The following HRH1 variants were observed in gnomAD, a reference collection of about 807,000 sequenced individuals.
HRH1 encodes histamine receptor H1, also known as histamine H1 receptor.
HRH1 carries 6 observed loss-of-function variants against 10.3 expected under a neutral mutation model. That is an observed-to-expected ratio of 0.58 (90% CI 0.32 to 1.15). The LOEUF is 1.15. HRH1 is among the 50% of genes most tolerant of loss of function. The pLI, the probability that HRH1 is intolerant of heterozygous loss-of-function variation, is 0.05. For synonymous variants in HRH1, 242 were observed against 236.7 expected (o/e 1.02, Z -0.21); for missense variants, 514 against 615.3 (o/e 0.84, Z 1.74).
intron 1 of HRH1, among the ~76,000 whole-genome samples, chr3:11,140,289 C>T (rs1464055100): frequency 6.6e-6 from 1 of 152,128 alleles, no homozygotes; most frequent in African/African-American, 2.4e-5. Flanking sequence ...CCAAGGAGAA[C>T]TAAATCACAG....
chr3:11,149,591 G>T (rs1936553735), upstream of HRH1, among the ~76,000 whole-genome samples: 2 of 152,198 alleles, frequency 1.3e-5, no homozygotes, highest in South Asian at 4.1e-4. Context: ...GACATTCTAT[G>T]TGCTCTTTTC....
rs577154093 is a variant in HRH1 at position 11,177,348 on chromosome 3, C to T, written c.-36+22794C>T. On this transcript the variant is annotated intron_variant, in intron 1 of 1. Transcript: ENST00000431010. ...TCTAGAGATAGCATCATGCAGTGTC[C>T]AGCGCATAACCAGGACTCAAGTACA... 2.0e-5 allele frequency among the ~76,000 whole-genome samples: 3 copies of T among 152,186 alleles called. No individual in the cohort carries two copies. In the East Asian group the frequency reaches 5.8e-4, roughly 29 times the overall value.
chr3:11,242,897 T>C lies in HRH1; in HGVS notation c.-35-16106T>C, dbSNP rs375044911. Among the ~76,000 whole-genome samples the C allele has an allele frequency of 5.5e-4, 83 of 152,028 alleles. 1 individual carries two copies. The South Asian group carries it at 0.017, about 32-fold the overall frequency. On this transcript the variant is annotated intron_variant, in intron 1 of 1. Transcript: ENST00000431010. Reference sequence around the variant, plus strand: ...ATCTCCCCTGGCTTCTGCTGTTCTGTATTGGTTTGGGTCTCTCTTTTTTTT... The same window carrying C: ...ATCTCCCCTGGCTTCTGCTGTTCTGCATTGGTTTGGGTCTCTCTTTTTTTT...
intron 1 of HRH1, among the ~76,000 whole-genome samples, chr3:11,244,945 C>T (rs533795282): frequency 2.6e-5 from 4 of 152,110 alleles, no homozygotes; most frequent in Admixed American, 6.5e-5. Context: ...CTACTGGCAT[C>T]AAGTGAGTGG....
intron 1 of HRH1, among the ~76,000 whole-genome samples, chr3:11,182,327 A>T (rs931086760): frequency 6.6e-6 from 1 of 152,192 alleles, no homozygotes; most frequent in South Asian, 2.1e-4. Flanking sequence ...TATCAGATAT[A>T]TAGGGTCTCA....
chr3:11,163,766 A>C (rs181378852), intron 1 of HRH1, among the ~76,000 whole-genome samples: 1 of 152,286 alleles, frequency 6.6e-6, no homozygotes, highest in Non-Finnish European at 1.5e-5. Flanking sequence ...ATGTGTTCTC[A>C]TGTATTTATA....
chr3:11,156,975 T>C (rs1936818160), intron 1 of HRH1, among the ~76,000 whole-genome samples: 1 of 152,244 alleles, frequency 6.6e-6, no homozygotes, highest in Admixed American at 6.5e-5. Context: ...TGGACCTGTA[T>C]AAACTTCTGA....
intron 1 of HRH1, among the ~76,000 whole-genome samples, chr3:11,215,046 T>C (rs903869118): frequency 6.6e-6 from 1 of 152,226 alleles, no homozygotes; most frequent in Non-Finnish European, 1.5e-5. Flanking sequence ...ATGACATGGC[T>C]GATCGCTTAC....
chr3:11,217,971 G>A (rs1328124990), intron 1 of HRH1, among the ~76,000 whole-genome samples: 2 of 152,164 alleles, frequency 1.3e-5, no homozygotes, highest in African/African-American at 4.8e-5. Context: ...AACCTCGAGT[G>A]TGCAGTCAGC....
chr3:11,201,661 AAGGGCTGTCTGAAAATTCCAGGTGTCACC>A (rs1223812933), intron 1 of HRH1, among the ~76,000 whole-genome samples: 2 of 152,220 alleles, frequency 1.3e-5, no homozygotes, highest in Non-Finnish European at 2.9e-5. Context: ...CTAGTCGGAG[AAGGGCTGTCTGAAAATTCCAGGTGTCACC>A]AGGGCTGTTG....
chr3:11,237,664 C>CTTTTTTTTTTT (rs376450222), intron 1 of HRH1, among the ~76,000 whole-genome samples: 1 of 83,088 alleles, frequency 1.2e-5, no homozygotes, highest in Admixed American at 1.7e-4. Flanking sequence ...TTTTCTTTTC[C>CTTTTTTTTTTT]TTTTTTTTTT....
chr3:11,183,843 T>A (rs1278885828), intron 1 of HRH1, among the ~76,000 whole-genome samples: 1 of 143,462 alleles, frequency 7.0e-6, no homozygotes, highest in Non-Finnish European at 1.5e-5. Flanking sequence ...AAACCCACAG[T>A]AGGAAAGCTT....
intron 1 of HRH1, among the ~76,000 whole-genome samples, chr3:11,220,268 A>G (rs189277497): frequency 5.9e-5 from 9 of 152,312 alleles, no homozygotes; most frequent in African/African-American, 1.9e-4. Flanking sequence ...ACCTGGGTCT[A>G]AGAAACCCCA....
chr3:11,211,046 T>C (rs1483502811), intron 1 of HRH1, among the ~76,000 whole-genome samples: 1 of 152,226 alleles, frequency 6.6e-6, no homozygotes, highest in African/African-American at 2.4e-5. Context: ...ACTTACCTTC[T>C]AGATGGATTA....
chr3:11,166,822 T>C (rs1394018984), intron 1 of HRH1, among the ~76,000 whole-genome samples: 2 of 148,430 alleles, frequency 1.3e-5, no homozygotes, highest in African/African-American at 5.0e-5. Context: ...TCCAGGCCCA[T>C]GACATCTGCT....
chr3:11,245,434 C>T (rs1939453994), intron 1 of HRH1, among the ~76,000 whole-genome samples: 1 of 152,170 alleles, frequency 6.6e-6, no homozygotes, highest in Non-Finnish European at 1.5e-5. Flanking sequence ...GCTGCGTGAC[C>T]TTGAGTAAGA....
chr3:11,150,078 A>G (rs1936568581), upstream of HRH1, among the ~76,000 whole-genome samples: 1 of 152,260 alleles, frequency 6.6e-6, no homozygotes, highest in African/African-American at 2.4e-5. Flanking sequence ...TCTTTTAATA[A>G]ATGAAAGTGC....
At chr3:11,219,343 T>A (rs1174916820) in intron 1 of HRH1, among the ~76,000 whole-genome samples, 1 of 152,144 alleles carries the variant, frequency 6.6e-6, no homozygotes, top group African/African-American at 2.4e-5. Flanking sequence ...TGGTTGTGAA[T>A]GTAGTTAGTA....
chr3:11,233,414 T>TTTG (rs1013076025), intron 1 of HRH1, among the ~76,000 whole-genome samples: 3 of 152,166 alleles, frequency 2.0e-5, no homozygotes, highest in African/African-American at 4.8e-5. Flanking sequence ...TGGGTTCTTT[T>TTTG]TTGTTGTTGT....
Sources: allele counts gnomAD v4.1 joint callset (sites outside exome capture counted in the v4.1 genomes callset), GRCh38; gene constraint gnomAD v4.1.1; transcripts MANE v1.5; gene names NCBI Gene and HGNC (gene_info 2026-07-23, HGNC 2026-07-21).